BACE2: variants seen among roughly 807,000 people sequenced by gnomAD.
The protein encoded by BACE2 is beta-secretase 2.
BACE2 carries 17 observed loss-of-function variants against 46.2 expected under a neutral mutation model. The ratio of observed to expected loss-of-function variants is 0.37; its 90% CI spans 0.25 to 0.55. BACE2 has a LOEUF of 0.55. BACE2 is among the 20% of genes least tolerant of loss of function. The probability of loss-of-function intolerance (pLI) is 0.82; values close to 1 mark genes in which losing one functional copy is unlikely to be tolerated. For synonymous variants in BACE2, 277 were observed against 295.9 expected, an observed-to-expected ratio of 0.94 and a Z score of 0.66; for missense variants, 595 against 698.1, an observed-to-expected ratio of 0.85 and a Z score of 1.66.
intron 1 of BACE2, among the ~76,000 whole-genome samples, chr21:41,219,893 G>A (rs1357800314): frequency 6.6e-6 from 1 of 152,184 alleles, no homozygotes; most frequent in Non-Finnish European, 1.5e-5. Flanking sequence ...GACACCAGCT[G>A]CGTATCCTCT....
intron 8 of BACE2, among the ~76,000 whole-genome samples, chr21:41,269,098 G>A (rs2088408359): frequency 6.6e-6 from 1 of 152,112 alleles, no homozygotes; most frequent in Admixed American, 6.5e-5. Flanking sequence ...GGGATTACAG[G>A]CGTGTGCCAC....
chr21:41,216,980 G>A (rs1453492000), intron 1 of BACE2, among the ~76,000 whole-genome samples: 4 of 152,162 alleles, frequency 2.6e-5, no homozygotes, highest in Non-Finnish European at 5.9e-5. Context: ...CACCCAGGCT[G>A]GAGCGCAGTG....
intron 2 of BACE2, among the ~76,000 whole-genome samples, chr21:41,230,534 C>T (rs879278361): frequency 1.3e-5 from 2 of 152,198 alleles, no homozygotes; most frequent in Admixed American, 1.3e-4. Context: ...AGCTGCAGCT[C>T]TCTGCCCTGT....
chr21:41,267,128 G>A (rs975048026), intron 8 of BACE2, among the ~76,000 whole-genome samples: 11 of 152,168 alleles, frequency 7.2e-5, no homozygotes, highest in Admixed American at 7.2e-4. Flanking sequence ...TCCAGCGAAG[G>A]CACAGCAGGA....
intron 1 of BACE2, among the ~76,000 whole-genome samples, chr21:41,172,467 G>A (rs1984639651): frequency 6.6e-6 from 1 of 152,226 alleles, no homozygotes; most frequent in Non-Finnish European, 1.5e-5. Context: ...TTAATTTTCA[G>A]ACAGGGTAAC....
intron 1 of BACE2, among the ~76,000 whole-genome samples, chr21:41,213,618 AAAAAAATTAG>A (rs1195765364): frequency 6.6e-5 from 10 of 151,736 alleles, no homozygotes; most frequent in African/African-American, 2.4e-4. Context: ...ACTAAAATAC[AAAAAAATTAG>A]CCAGGCTTGG....
rs1045219693 is a variant in BACE2 at position 41,196,667 on chromosome 21, A to G, written c.312+28092A>G. Among the ~76,000 whole-genome samples the G allele has an allele frequency of 2.6e-5, 4 of 152,362 alleles. No individual in the cohort carries two copies. In the East Asian group the frequency reaches 5.8e-4, roughly 22 times the overall value. ...GAAACTTCCCAGGACAAAGGTCTCCAAAGTTAGAGGATGCAGGAAGAAATT... is the reference window on the plus strand; with the variant it reads ...GAAACTTCCCAGGACAAAGGTCTCCGAAGTTAGAGGATGCAGGAAGAAATT... On this transcript the variant is annotated intron_variant, in intron 1 of 8. Transcript: ENST00000330333.
chr21:41,185,090 C>T (rs2123504246), intron 1 of BACE2: 1 of 167,150 alleles, frequency 6.0e-6, no homozygotes, highest in East Asian at 1.9e-4. Flanking sequence ...TCCTTGTTGT[C>T]CCCATGCCTA....
At chr21:41,269,670 C>T (rs2088415778) in intron 8 of BACE2, among the ~76,000 whole-genome samples, 2 of 152,158 alleles carry the variant, frequency 1.3e-5, no homozygotes, top group Admixed American at 1.3e-4. Context: ...GTTTCATGTT[C>T]AAAAGTTCAT....
chr21:41,205,562 A>G (rs1443692829), intron 1 of BACE2, among the ~76,000 whole-genome samples: 1 of 152,220 alleles, frequency 6.6e-6, no homozygotes, highest in Non-Finnish European at 1.5e-5. Context: ...TCGCTTCCCC[A>G]TTAGAAAATT....
chr21:41,243,047 G>A (rs1987351429), intron 4 of BACE2, among the ~76,000 whole-genome samples: 1 of 152,100 alleles, frequency 6.6e-6, no homozygotes, highest in Non-Finnish European at 1.5e-5. Context: ...CTGAGAAGCT[G>A]GGACTACAGG....
At chr21:41,270,290 T>A (rs1424233377) in intron 8 of BACE2, among the ~76,000 whole-genome samples, 1 of 152,240 alleles carries the variant, frequency 6.6e-6, no homozygotes, top group Non-Finnish European at 1.5e-5. Flanking sequence ...TTTAGTCTGT[T>A]AATATTTTCT....
intron 8 of BACE2, among the ~76,000 whole-genome samples, chr21:41,273,385 C>A (rs971209719): frequency 2.0e-5 from 3 of 152,138 alleles, no homozygotes; most frequent in Non-Finnish European, 4.4e-5. Context: ...TATCGGCAAC[C>A]GTAAAAGACA....
At position 41,204,177 on chromosome 21, in the gene BACE2, C is replaced by T. The variant is rs567537970; in HGVS notation, c.313-22089C>T. Among the ~76,000 whole-genome samples, 9 of 152,210 alleles carry T rather than the reference C, an allele frequency of 5.9e-5. 1 individual carries two copies. In the South Asian group the frequency reaches 1.5e-3, roughly 25 times the overall value. On this transcript the variant is annotated intron_variant, in intron 1 of 8. Transcript: ENST00000330333. Reference sequence around the variant, plus strand: ...AATTACAGGCACTCACCATCATGCCCGGCTAATTTTTGTTTTTGTTTTTGT... The same window carrying T: ...AATTACAGGCACTCACCATCATGCCTGGCTAATTTTTGTTTTTGTTTTTGT...
chr21:41,256,587 TC>T (rs1987793599), intron 7 of BACE2, among the ~76,000 whole-genome samples: 2 of 152,218 alleles, frequency 1.3e-5, no homozygotes, highest in African/African-American at 4.8e-5. Flanking sequence ...TTTCCATTGA[TC>T]CCAGGTTAGA....
chr21:41,218,209 C>A (rs1050565774), intron 1 of BACE2, among the ~76,000 whole-genome samples: 1 of 152,134 alleles, frequency 6.6e-6, no homozygotes, highest in East Asian at 1.9e-4. Flanking sequence ...GGAAAGAATT[C>A]TTCAGTAACC....
intron 1 of BACE2, among the ~76,000 whole-genome samples, chr21:41,224,205 T>C (rs1197660241): frequency 7.0e-6 from 1 of 142,444 alleles, no homozygotes; most frequent in Non-Finnish European, 1.5e-5. Flanking sequence ...ACTTGCCTAT[T>C]TTGATTTTTT....
chr21:41,181,662 T>C (rs1178924945), intron 1 of BACE2: 1 of 166,998 alleles, frequency 6.0e-6, no homozygotes, highest in East Asian at 1.9e-4. Flanking sequence ...CAGATTCCGA[T>C]AATAGTGGTC....
At chr21:41,247,478 G>A (rs1184781703) in intron 6 of BACE2, among the ~76,000 whole-genome samples, 1 of 152,208 alleles carries the variant, frequency 6.6e-6, no homozygotes, top group Non-Finnish European at 1.5e-5. Context: ...TTAAAATAAG[G>A]AGCGATACCC....
Sources: gnomAD v4.1 joint callset for allele counts (sites outside exome capture counted in the v4.1 genomes callset) on GRCh38, gnomAD v4.1.1 for gene constraint, MANE v1.5 for transcripts, NCBI Gene and HGNC (gene_info 2026-07-23, HGNC 2026-07-21) for gene names.